The following ABCA12 variants were observed in gnomAD, a reference collection of about 807,000 sequenced individuals.
ABCA12 encodes the protein glucosylceramide transporter ABCA12.
ABCA12 carries 156 observed loss-of-function variants against 293.5 expected under a neutral mutation model. The ratio of observed to expected loss-of-function variants is 0.53; its 90% CI spans 0.47 to 0.61. The LOEUF is 0.61. ABCA12 is among the 20% of genes least tolerant of loss of function. The pLI, the probability that ABCA12 is intolerant of heterozygous loss-of-function variation, is 0.00. For missense variants in ABCA12, 2,797 were observed against 3,090.2 expected (o/e 0.91, Z 2.25); for synonymous variants, 1,063 against 1,108.0 (o/e 0.96, Z 0.81).
At chr2:214,972,036 T>C (rs1699396635) in intron 36 of ABCA12, among the ~76,000 whole-genome samples, 1 of 152,192 alleles carries the variant, frequency 6.6e-6, no homozygotes, top group Admixed American at 6.5e-5. Flanking sequence ...GCCATTTGGA[T>C]ATGCTCTTTG....
chr2:215,084,891 C>T (rs551168017), intron 2 of ABCA12, among the ~76,000 whole-genome samples: 7 of 151,988 alleles, frequency 4.6e-5, no homozygotes, highest in East Asian at 3.9e-4. Context: ...GTCAGGAGTT[C>T]GAGACCAGCC....
intron 1 of ABCA12, among the ~76,000 whole-genome samples, chr2:215,114,620 G>A (rs1164791968): frequency 6.6e-6 from 1 of 152,092 alleles, no homozygotes; most frequent in Admixed American, 6.5e-5. Flanking sequence ...TACAGAAAGT[G>A]TATTGCAAAA....
chr2:214,992,934 T>C (rs1699950816), intron 23 of ABCA12, among the ~76,000 whole-genome samples: 1 of 152,162 alleles, frequency 6.6e-6, no homozygotes, highest in African/African-American at 2.4e-5. Flanking sequence ...TTTTCTTTTT[T>C]CAAAATCAAG....
intron 13 of ABCA12, among the ~76,000 whole-genome samples, chr2:215,018,718 ATTTAGAT>A (rs1700559627): frequency 6.6e-6 from 1 of 152,222 alleles, no homozygotes; most frequent in Non-Finnish European, 1.5e-5. Context: ...AATAAACAAT[ATTTAGAT>A]TTTAGCAGAT....
At chr2:215,045,226 T>C (rs1701177678) in intron 7 of ABCA12, among the ~76,000 whole-genome samples, 1 of 152,192 alleles carries the variant, frequency 6.6e-6, no homozygotes, top group African/African-American at 2.4e-5. Flanking sequence ...CTCTAAATAC[T>C]GGCCGTGCCC....
intron 20 of ABCA12, among the ~76,000 whole-genome samples, chr2:215,003,300 G>A (rs1273374849): frequency 1.3e-5 from 2 of 152,162 alleles, no homozygotes; most frequent in Non-Finnish European, 2.9e-5. Context: ...GGACATGGCA[G>A]AGGGAATGCA....
intron 39 of ABCA12, among the ~76,000 whole-genome samples, chr2:214,965,705 G>A (rs1378776474): frequency 6.6e-6 from 1 of 152,068 alleles, no homozygotes; most frequent in Non-Finnish European, 1.5e-5. Flanking sequence ...TAGTCAGAAT[G>A]GCTATTAGTA....
chr2:215,010,330 C>A lies in ABCA12; in HGVS notation c.2472+1G>T. ...TAGAAACTGAGTTATAATGGTCAAA[C>A]CTTTTCCATTATTGCCTTTGTGACT... On this transcript the variant is annotated splice_donor_variant, in intron 18 of 52. Coordinates refer to ENST00000272895, the MANE Select transcript of ABCA12 (RefSeq NM_173076.3). LOFTEE classifies it high-confidence loss of function. 6.2e-7 allele frequency: 1 copy of A among 1,613,572 alleles called. No individual in the cohort carries two copies. Among genetic ancestry groups the A allele is most frequent in the Non-Finnish European group, 8.5e-7 (1 of 1,179,602 alleles).
chr2:215,138,233 TTTCCTC>T lies in ABCA12; in HGVS notation c.-31_-26del. 1 of 1,612,032 alleles carries T rather than the reference TTTCCTC, an allele frequency of 6.2e-7. No homozygotes were observed. The highest frequency in any genetic ancestry group is 8.5e-7 in the Non-Finnish European group (1 of 1,178,196). The stretch of plus-strand genomic sequence containing the variant: ...TCCTTCAAATGCCCCAAATGAGAGA[TTTCCTC>T]TTCTTTTCTCCACTCCACAAATGAA... On this transcript the variant is annotated 5_prime_UTR_variant, in exon 1 of 53. Coordinates refer to ENST00000272895, the MANE Select transcript of ABCA12 (RefSeq NM_173076.3).
At chr2:215,011,410 C>T (rs781339363) in intron 17 of ABCA12, 29 bp downstream of exon 17, 4 of 1,519,504 alleles carry the variant, frequency 2.6e-6, no homozygotes, top group Non-Finnish European at 2.7e-6. Flanking sequence ...TTAAGGGCAA[C>T]TGTCATGCTT....
chr2:215,105,345 G>A (rs534976313), intron 2 of ABCA12, among the ~76,000 whole-genome samples: 2 of 152,214 alleles, frequency 1.3e-5, no homozygotes, highest in East Asian at 3.9e-4. Flanking sequence ...GAAGATAAAA[G>A]GACATGCATC....
Position 215,027,219 on chromosome 2 carries a change from G to T in ABCA12, c.1062-281C>A, listed in dbSNP as rs557858508. ...AAATTAGCCGGGCGTGGTGGCGGGC[G>T]CCTGTAGTCCCAGCTACTCTGGAGG... On this transcript the variant is annotated intron_variant, in intron 9 of 52. Coordinates refer to ENST00000272895, the MANE Select transcript of ABCA12 (RefSeq NM_173076.3). 3.3e-5 allele frequency among the ~76,000 whole-genome samples: 5 copies of T among 152,234 alleles called. No homozygotes were observed. The South Asian group carries it at 1.0e-3, about 32-fold the overall frequency.
At chr2:215,101,079 G>C (rs1367948516) in intron 2 of ABCA12, among the ~76,000 whole-genome samples, 4 of 152,128 alleles carry the variant, frequency 2.6e-5, no homozygotes, top group Admixed American at 2.0e-4. Context: ...ATGAAGAATG[G>C]TGTGAGACTT....
chr2:214,932,607 A>G lies in ABCA12; in HGVS notation c.*27T>C, dbSNP rs1204456400. 1 of 1,523,574 alleles carries G rather than the reference A, an allele frequency of 6.6e-7. No homozygotes were observed. The allele number at this position is 1,523,574 out of a possible 1,614,324, so 94.4% of individuals were successfully genotyped here. The stretch of plus-strand genomic sequence containing the variant: ...TCTTCAAAATGAAGCCATTGGTCAC[A>G]CGCTGAGATTGAGTTTGCTGGAAGT... On this transcript the variant is annotated 3_prime_UTR_variant, in exon 53 of 53. Coordinates refer to ENST00000272895, the MANE Select transcript of ABCA12 (RefSeq NM_173076.3).
At chr2:215,068,334 A>G (rs1200991844) in intron 2 of ABCA12, among the ~76,000 whole-genome samples, 3 of 152,198 alleles carry the variant, frequency 2.0e-5, no homozygotes, top group Non-Finnish European at 4.4e-5. Flanking sequence ...AAATATTTTA[A>G]GCTTGTGGGC....
At chr2:215,077,833 C>A (rs1395511403) in intron 2 of ABCA12, among the ~76,000 whole-genome samples, 1 of 152,204 alleles carries the variant, frequency 6.6e-6, no homozygotes, top group East Asian at 1.9e-4. Context: ...TTTTGGAATC[C>A]GAGATCGGAC....
intron 1 of ABCA12, among the ~76,000 whole-genome samples, chr2:215,123,044 T>C (rs149742116): frequency 7.4e-4 from 112 of 152,348 alleles, no homozygotes; most frequent in African/African-American, 2.5e-3. Flanking sequence ...TGTGATTTTC[T>C]GCTTCTATGT....
At chr2:215,107,254 C>T (rs751839949) in intron 2 of ABCA12, among the ~76,000 whole-genome samples, 37 of 152,176 alleles carry the variant, frequency 2.4e-4, no homozygotes, top group Admixed American at 8.5e-4. Flanking sequence ...ACAAAATAAG[C>T]TTGCCGCACA....
intron 40 of ABCA12, 58 bp downstream of exon 40, chr2:214,958,966 T>C: frequency 1.3e-6 from 2 of 1,505,772 alleles, no homozygotes; most frequent in Non-Finnish European, 9.2e-7. Context: ...TACAGCACTT[T>C]ATACAAAGGC....
Sources: allele counts gnomAD v4.1 joint callset (sites outside exome capture counted in the v4.1 genomes callset), GRCh38; gene constraint gnomAD v4.1.1; transcripts MANE v1.5; gene names NCBI Gene and HGNC (gene_info 2026-07-23, HGNC 2026-07-21).